FAAH2: variants seen among roughly 807,000 people sequenced by gnomAD.
FAAH2 encodes the protein fatty acid amide hydrolase 2.
Under a neutral mutation model 36.9 loss-of-function variants are expected in FAAH2, and 60 were observed. The observed-to-expected ratio is 1.63, with a 90% CI of 1.32 to 2.02. The LOEUF is 2.02. FAAH2 is among the 30% of genes most tolerant of loss of function. FAAH2 has a pLI of 0.00. For synonymous variants in FAAH2, 214 were observed against 143.8 expected, an observed-to-expected ratio of 1.49 and a Z score of -3.49; for missense variants, 689 against 397.5, an observed-to-expected ratio of 1.73 and a Z score of -6.23.
At chrX:57,264,749 A>G in the FAAH2 span, among the ~76,000 whole-genome samples, 2 of 112,392 alleles carry the variant, frequency 1.8e-5, no homozygotes, top group Non-Finnish European at 3.8e-5. Flanking sequence ...TCATTGCAGG[A>G]CTATTCACAA....
chrX:57,361,645 AG>A (rs2054288207), intron 5 of FAAH2, among the ~76,000 whole-genome samples: 1 of 111,388 alleles, frequency 9.0e-6, no homozygotes, highest in East Asian at 2.8e-4. Context: ...AGGTCAAAGA[AG>A]ATATGTGATA....
At chrX:57,156,942 C>T in the FAAH2 span, among the ~76,000 whole-genome samples, 3 of 112,267 alleles carry the variant, frequency 2.7e-5, no homozygotes, top group Non-Finnish European at 3.8e-5. Context: ...TGTCCAAATA[C>T]ATTTTAGTCT....
chrX:57,308,944 C>T (rs748750393), intron 2 of FAAH2, among the ~76,000 whole-genome samples: 2 of 111,920 alleles, frequency 1.8e-5, no homozygotes, highest in South Asian at 3.7e-4. Context: ...TTTTATTCAT[C>T]TTAAAAGCAT....
At chrX:57,351,246 G>T (rs1488576553) in intron 5 of FAAH2, among the ~76,000 whole-genome samples, 1 of 111,047 alleles carries the variant, frequency 9.0e-6, no homozygotes, top group African/African-American at 3.3e-5. Context: ...ATGACCATTG[G>T]GTCAATAAAG....
intron 10 of FAAH2, among the ~76,000 whole-genome samples, chrX:57,469,194 C>T (rs183391080): frequency 5.4e-5 from 6 of 111,869 alleles, no homozygotes; most frequent in African/African-American, 1.3e-4. Flanking sequence ...CATCAACTAA[C>T]GAGCAAAATA....
At chrX:57,454,677 C>T in intron 10 of FAAH2, among the ~76,000 whole-genome samples, 1 of 111,571 alleles carries the variant, frequency 9.0e-6, no homozygotes, top group Non-Finnish European at 1.9e-5. Context: ...GCATCAGCAG[C>T]AGAAAAATTA....
chrX:57,472,348 A>C (rs1382061036), intron 10 of FAAH2, among the ~76,000 whole-genome samples: 1 of 112,316 alleles, frequency 8.9e-6, no homozygotes, highest in Non-Finnish European at 1.9e-5. Context: ...TACTCATCTG[A>C]CAAAGGGCTA....
chrX:57,370,189 G>T (rs1170492873), intron 5 of FAAH2, among the ~76,000 whole-genome samples: 1 of 111,535 alleles, frequency 9.0e-6, no homozygotes. Flanking sequence ...AATGGCCGAA[G>T]CTAGTCCTTA....
chrX:57,380,626 A>T (rs144767996), intron 6 of FAAH2, among the ~76,000 whole-genome samples: 310 of 111,932 alleles, frequency 2.8e-3, no homozygotes, highest in African/African-American at 9.4e-3. Context: ...TACCATGGTT[A>T]CAGTTCTAGT....
chrX:57,223,709 T>G, the FAAH2 span, among the ~76,000 whole-genome samples: 14 of 111,935 alleles, frequency 1.3e-4, no homozygotes, highest in Non-Finnish European at 1.9e-4. Context: ...TTATCTGTAC[T>G]TTCTCCAGGT....
At chrX:57,474,758 G>A (rs188617815) in intron 10 of FAAH2, among the ~76,000 whole-genome samples, 1 of 111,811 alleles carries the variant, frequency 8.9e-6, no homozygotes, top group South Asian at 3.7e-4. Context: ...GGTATTTCTG[G>A]TTCTAGATCA....
At chrX:57,445,032 T>C (rs2056644191) in intron 8 of FAAH2, among the ~76,000 whole-genome samples, 1 of 111,901 alleles carries the variant, frequency 8.9e-6, no homozygotes, top group African/African-American at 3.3e-5. Flanking sequence ...CTGGATGTTT[T>C]TGATGCTTAT....
intron 5 of FAAH2, among the ~76,000 whole-genome samples, chrX:57,365,099 T>G (rs1342291632): frequency 9.0e-6 from 1 of 111,380 alleles, no homozygotes; most frequent in Non-Finnish European, 1.9e-5. Context: ...TTGGTTTGTT[T>G]TTTGCTTTGA....
At chrX:57,345,955 T>C (rs1448937983) in intron 5 of FAAH2, among the ~76,000 whole-genome samples, 2 of 111,753 alleles carry the variant, frequency 1.8e-5, no homozygotes. Flanking sequence ...TTTATATTGG[T>C]TTCTATACTT....
At chrX:57,409,713 A>T (rs760321914) in intron 7 of FAAH2, among the ~76,000 whole-genome samples, 2 of 110,793 alleles carry the variant, frequency 1.8e-5, no homozygotes, top group African/African-American at 6.5e-5. Context: ...TTAGTCTCTT[A>T]CAATTTTTTA....
chrX:57,346,683 G>T, intron 5 of FAAH2, among the ~76,000 whole-genome samples: 1 of 111,218 alleles, frequency 9.0e-6, no homozygotes, highest in African/African-American at 3.3e-5. Flanking sequence ...ATTATCTGTG[G>T]GCTATTTGCT....
At chrX:57,480,621 G>A (rs1302381272) in intron 10 of FAAH2, among the ~76,000 whole-genome samples, 1 of 111,757 alleles carries the variant, frequency 8.9e-6, no homozygotes, top group Non-Finnish European at 1.9e-5. Flanking sequence ...TGGTCTGTTC[G>A]GCTTCCCTTT....
At chrX:57,261,552 C>CAAAAAAAAAAAAAAA in the FAAH2 span, among the ~76,000 whole-genome samples, 1 of 23,384 alleles carries the variant, frequency 4.3e-5, no homozygotes, top group Non-Finnish European at 6.9e-5. Context: ...GACTCTGTCT[C>CAAAAAAAAAAAAAAA]AAAAAAAAAA....
chrX:57,351,671 G>T (rs2054002486), intron 5 of FAAH2, among the ~76,000 whole-genome samples: 2 of 109,338 alleles, frequency 1.8e-5, no homozygotes, highest in Admixed American at 2.0e-4. Context: ...TATAAAAAAA[G>T]ATTATTGGAG....
Sources: allele counts gnomAD v4.1 joint callset (sites outside exome capture counted in the v4.1 genomes callset), GRCh38; gene constraint gnomAD v4.1.1; transcripts MANE v1.5; gene names NCBI Gene and HGNC (gene_info 2026-07-23, HGNC 2026-07-21).